HFM1: variants seen among roughly 807,000 people sequenced by gnomAD.
The protein encoded by HFM1 is probable ATP-dependent DNA helicase HFM1.
In HFM1, 169 loss-of-function variants were observed where a neutral mutation model predicts 192.1. The observed-to-expected ratio is 0.88, with a 90% CI of 0.78 to 1.00. The LOEUF is 1.00. Ranked by LOEUF, HFM1 falls within the 50% of genes least tolerant of loss-of-function variation. The pLI is 0.00. For missense variants in HFM1, 1,661 were observed against 1,668.0 expected (o/e 1.00, Z 0.07); for synonymous variants, 525 against 537.8 (o/e 0.98, Z 0.33).
chr1:91,267,612 T>C lies in HFM1; in HGVS notation c.3883+133A>G, dbSNP rs548488974. On this transcript the variant is annotated intron_variant, in intron 35 of 38. Transcript: ENST00000370425. ...TCACATTTTCAGTTTTGCTAAAAAT[T>C]ATAATCTTAACAAACCAAATCTAAC... 32 of 532,576 alleles carry C rather than the reference T, an allele frequency of 6.0e-5. No individual in the cohort carries two copies. The African/African-American group carries it at 6.2e-4, about 10-fold the overall frequency. The allele number at this position is 532,576 out of a possible 1,614,324, so 33.0% of individuals were successfully genotyped here.
At chr1:91,396,762 C>T (rs1278983727) in intron 2 of HFM1, among the ~76,000 whole-genome samples, 2 of 152,198 alleles carry the variant, frequency 1.3e-5, no homozygotes, top group African/African-American at 4.8e-5. Flanking sequence ...AATTACTTGA[C>T]ATATCTCACA....
At chr1:91,394,000 T>C in intron 4 of HFM1, 93 bp downstream of exon 4, 1 of 700,538 alleles carries the variant, frequency 1.4e-6, no homozygotes. Flanking sequence ...TTGCTGTTTT[T>C]CTCATTCACA....
intron 3 of HFM1, among the ~76,000 whole-genome samples, chr1:91,395,645 TCTGA>T (rs1194481314): frequency 6.6e-6 from 1 of 151,846 alleles, no homozygotes; most frequent in Admixed American, 6.6e-5. Flanking sequence ...AAAAGAAGGA[TCTGA>T]CTTTCATTTT....
chr1:91,275,445 T>C (rs886412792), intron 32 of HFM1, among the ~76,000 whole-genome samples: 1 of 152,194 alleles, frequency 6.6e-6, no homozygotes, highest in African/African-American at 2.4e-5. Context: ...TTTCAAACAG[T>C]TATATCCAGC....
chr1:91,353,922 T>TAAA (rs771732779), intron 13 of HFM1, among the ~76,000 whole-genome samples: 5 of 133,206 alleles, frequency 3.8e-5, no homozygotes, highest in African/African-American at 5.5e-5. Flanking sequence ...ACAGGAAACA[T>TAAA]GAAAAAAAAA....
At chr1:91,354,660 T>C (rs1657471425) in intron 13 of HFM1, among the ~76,000 whole-genome samples, 2 of 152,074 alleles carry the variant, frequency 1.3e-5, no homozygotes, top group African/African-American at 4.8e-5. Context: ...AGCAGAAACC[T>C]TGCAGGCCAG....
intron 13 of HFM1, among the ~76,000 whole-genome samples, chr1:91,373,134 C>T (rs1660454757): frequency 1.2e-5 from 1 of 84,552 alleles, no homozygotes; most frequent in Non-Finnish European, 2.3e-5. Context: ...TTATAGTCTA[C>T]CTTTTTAGTG....
rs1420028971 is a variant in HFM1, at chr1:91,379,177, A to T, written c.1044T>A (p.Asp348Glu). The T allele has an allele frequency of 6.2e-7, 1 of 1,610,432 alleles. No individual in the cohort carries two copies. Among genetic ancestry groups the T allele is most frequent in the South Asian group, 1.1e-5 (1 of 90,376 alleles). Residue 348 changes from aspartate (D) to glutamate (E), a missense_variant, in exon 9 of 39, where the codon GAT becomes GAA. Coordinates refer to ENST00000370425, the MANE Select transcript of HFM1 (RefSeq NM_001017975.6). ...TTGGTCCAAATTTTTCTTTCCAGTC[A>T]TCAAAACGCTGACTGCACAAGGCTT... Reference protein sequence around the residue: ...PIKALCSQRFDDWKEKFGPIG... With the variant: ...PIKALCSQRFEDWKEKFGPIG...
chr1:91,294,869 C>T (rs1333087481), intron 30 of HFM1, among the ~76,000 whole-genome samples: 1 of 152,128 alleles, frequency 6.6e-6, no homozygotes, highest in African/African-American at 2.4e-5. Flanking sequence ...TACCTAGAAG[C>T]AGAATTGCTC....
chr1:91,291,701 A>T (rs1383406207), intron 30 of HFM1, among the ~76,000 whole-genome samples: 3 of 152,076 alleles, frequency 2.0e-5, no homozygotes, highest in Non-Finnish European at 2.9e-5. Context: ...AACTCATTTT[A>T]TGAGGCCAGC....
intron 11 of HFM1, chr1:91,377,813 C>T: frequency 1.8e-6 from 1 of 546,188 alleles, no homozygotes; most frequent in Non-Finnish European, 3.2e-6. Context: ...ACGAGATGTC[C>T]ACATGTCCAC....
intron 1 of HFM1, among the ~76,000 whole-genome samples, chr1:91,404,133 C>T (rs1571261491): frequency 6.6e-6 from 1 of 152,280 alleles, no homozygotes; most frequent in South Asian, 2.1e-4. Flanking sequence ...CAAATTACTC[C>T]GAGGCTCGGC....
chr1:91,309,593 T>C (rs1236060017), intron 30 of HFM1, among the ~76,000 whole-genome samples: 1 of 152,202 alleles, frequency 6.6e-6, no homozygotes, highest in Non-Finnish European at 1.5e-5. Context: ...TCAAATTTTA[T>C]GATCATATTA....
intron 13 of HFM1, among the ~76,000 whole-genome samples, chr1:91,353,652 C>CCAAAAAAAAAAA (rs1553213573): frequency 1.5e-5 from 1 of 65,422 alleles, no homozygotes; most frequent in Admixed American, 1.7e-4. Context: ...AGTAAATAAG[C>CCAAAAAAAAAAA]AAAAAAAAAA....
upstream of HFM1, among the ~76,000 whole-genome samples, chr1:91,407,389 G>A (rs570656382): frequency 1.3e-5 from 2 of 151,778 alleles, no homozygotes; most frequent in South Asian, 4.2e-4. Flanking sequence ...CCATTAAACA[G>A]GAACTCCTTC....
chr1:91,380,244 A>T lies in HFM1; in HGVS notation c.874-8T>A. On this transcript the variant is annotated splice_polypyrimidine_tract_variant and splice_region_variant and intron_variant, in intron 7 of 38. Transcript: ENST00000370425. ...CCTATCTGTGTAAAGAAGCTAAAAA[A>T]TAAAAAGTAATCAATCATGTAACAT... 6.7e-7 allele frequency: 1 copy of T among 1,494,386 alleles called. No individual in the cohort carries two copies. Among genetic ancestry groups the T allele is most frequent in the Non-Finnish European group, 9.0e-7 (1 of 1,112,122 alleles). The allele number at this position is 1,494,386 out of a possible 1,614,324, so 92.6% of individuals were successfully genotyped here.
intron 30 of HFM1, among the ~76,000 whole-genome samples, chr1:91,313,013 C>T (rs1355650688): frequency 6.6e-6 from 1 of 152,052 alleles, no homozygotes; most frequent in Non-Finnish European, 1.5e-5. Context: ...CACCTCCTGC[C>T]ATGATTCTGA....
chr1:91,265,377 G>C (rs1304831370), intron 36 of HFM1, among the ~76,000 whole-genome samples: 1 of 152,148 alleles, frequency 6.6e-6, no homozygotes, highest in African/African-American at 2.4e-5. Flanking sequence ...TGAAAAGTCA[G>C]AATATTTTAT....
intron 6 of HFM1, among the ~76,000 whole-genome samples, chr1:91,384,494 T>C (rs1316697770): frequency 6.6e-6 from 1 of 152,122 alleles, no homozygotes; most frequent in East Asian, 1.9e-4. Flanking sequence ...ATACTAGATC[T>C]GTAGAAATGT....
Sources: gnomAD v4.1 joint callset for allele counts (sites outside exome capture counted in the v4.1 genomes callset) on GRCh38, gnomAD v4.1.1 for gene constraint, MANE v1.5 for transcripts, NCBI Gene and HGNC (gene_info 2026-07-23, HGNC 2026-07-21) for gene names.